PRKCH: variants seen among roughly 807,000 people sequenced by gnomAD.
The protein encoded by PRKCH is protein kinase C eta type.
Under a neutral mutation model 82.5 loss-of-function variants are expected in PRKCH, and 28 were observed. The observed-to-expected ratio is 0.34, with a 90% CI of 0.25 to 0.47. The LOEUF (loss-of-function observed/expected upper bound fraction) is 0.47. Among genes scored for constraint, PRKCH ranks in the 20% least tolerant of loss-of-function variants. The pLI, the probability that PRKCH is intolerant of heterozygous loss-of-function variation, is 1.00. For synonymous variants in PRKCH, 322 were observed against 327.4 expected, an observed-to-expected ratio of 0.98 and a Z score of 0.18; for missense variants, 705 against 881.8, an observed-to-expected ratio of 0.80 and a Z score of 2.54.
At chr14:61,271,137 A>C (rs2045149601) in intron 1 of PRKCH, among the ~76,000 whole-genome samples, 1 of 152,206 alleles carries the variant, frequency 6.6e-6, no homozygotes, top group Non-Finnish European at 1.5e-5. Context: ...CAAGATGGAC[A>C]CTAGTGTACC....
chr14:61,418,417 G>A (rs140997055), intron 2 of PRKCH, among the ~76,000 whole-genome samples: 3 of 152,300 alleles, frequency 2.0e-5, no homozygotes, highest in Non-Finnish European at 2.9e-5. Context: ...ATGCACAGAG[G>A]ATCTTTGGAA....
In PRKCH at chr14:61,453,341, T is replaced by G; in HGVS notation, c.948T>G (p.Ile316Met). 7 of 1,613,026 alleles carry G rather than the reference T, an allele frequency of 4.3e-6. No individual in the cohort carries two copies. Among genetic ancestry groups the G allele is most frequent in the Non-Finnish European group, 5.9e-6 (7 of 1,179,378 alleles). Residue 316 changes from isoleucine to methionine, a missense_variant, in exon 7 of 14, where the codon ATT becomes ATG. Transcript: ENST00000332981. ...GGATGGGTCTCCAACCCGGAAATAT[T>G]TCTCCAACCTCGGTGAGACTTTGCT... ...LAGMGLQPGN[I>M]SPTSKLVSRS...
At chr14:61,542,652 T>C (rs2043203228) in intron 12 of PRKCH, among the ~76,000 whole-genome samples, 1 of 152,236 alleles carries the variant, frequency 6.6e-6, no homozygotes, top group African/African-American at 2.4e-5. Flanking sequence ...GAGAGCCAGA[T>C]GAGCCTCAGG....
intron 7 of PRKCH, 109 bp from the exon 8 acceptor site, chr14:61,457,067 C>A: frequency 8.3e-7 from 1 of 1,207,602 alleles, no homozygotes; most frequent in Non-Finnish European, 1.1e-6. Context: ...ATCTTTCCCC[C>A]ACGTTATACT....
At chr14:61,252,544 G>A (rs2044955771) in intron 1 of PRKCH, among the ~76,000 whole-genome samples, 1 of 152,134 alleles carries the variant, frequency 6.6e-6, no homozygotes, top group African/African-American at 2.4e-5. Flanking sequence ...CTCCACTCTG[G>A]GATGAGATAT....
intron 10 of PRKCH, among the ~76,000 whole-genome samples, chr14:61,526,871 C>T (rs1201225622): frequency 6.6e-6 from 1 of 152,264 alleles, no homozygotes; most frequent in South Asian, 2.1e-4. Flanking sequence ...AGCATCCCCC[C>T]CGTGACCTGC....
At chr14:61,526,129 T>C (rs956405463) in intron 10 of PRKCH, among the ~76,000 whole-genome samples, 1 of 152,090 alleles carries the variant, frequency 6.6e-6, no homozygotes, top group Non-Finnish European at 1.5e-5. Context: ...ATTGCAACCT[T>C]TTGTAGGTTA....
At chr14:61,295,921 C>T (rs1480319975) in intron 1 of PRKCH, among the ~76,000 whole-genome samples, 1 of 151,914 alleles carries the variant, frequency 6.6e-6, no homozygotes, top group Non-Finnish European at 1.5e-5. Context: ...TGGTGGAAAT[C>T]CCCCTTAGAA....
chr14:61,208,101 G>T (rs954781571), intron 1 of PRKCH, among the ~76,000 whole-genome samples: 3 of 151,892 alleles, frequency 2.0e-5, no homozygotes, highest in Admixed American at 2.0e-4. Context: ...TCCCTTCTTT[G>T]AAATGTTACC....
chr14:61,378,224 C>CTTTTTCTTTTTTTT (rs1555380855), intron 1 of PRKCH, among the ~76,000 whole-genome samples: 1 of 139,476 alleles, frequency 7.2e-6, no homozygotes, highest in Non-Finnish European at 1.5e-5. Context: ...TTTTCTTTTT[C>CTTTTTCTTTTTTTT]TTTTTTTTTT....
intron 1 of PRKCH, chr14:61,306,924 C>A (rs748490580): frequency 1.3e-5 from 2 of 152,106 alleles, no homozygotes; most frequent in African/African-American, 2.4e-5. Context: ...CGACTCATTG[C>A]AGCTTTTACC....
intron 10 of PRKCH, among the ~76,000 whole-genome samples, chr14:61,512,753 C>G (rs549422144): frequency 6.6e-6 from 1 of 152,228 alleles, no homozygotes; most frequent in South Asian, 2.1e-4. Flanking sequence ...AATCACCAGC[C>G]ACACACATTA....
intron 1 of PRKCH, among the ~76,000 whole-genome samples, chr14:61,198,952 G>A (rs1178643286): frequency 6.6e-6 from 1 of 152,120 alleles, no homozygotes; most frequent in East Asian, 1.9e-4. Flanking sequence ...ACTGGGATAA[G>A]GTTGACCTAC....
At chr14:61,294,940 T>C (rs912219574) in intron 1 of PRKCH, among the ~76,000 whole-genome samples, 3 of 152,200 alleles carry the variant, frequency 2.0e-5, no homozygotes, top group African/African-American at 7.2e-5. Context: ...TGGTGCGATC[T>C]TGGCTCACTG....
chr14:61,379,757 A>C (rs1039998639), intron 1 of PRKCH, among the ~76,000 whole-genome samples: 1 of 152,172 alleles, frequency 6.6e-6, no homozygotes, highest in African/African-American at 2.4e-5. Flanking sequence ...TGCAGGGAGT[A>C]TATTCCCCAT....
At chr14:61,398,455 A>G (rs1323077197) in intron 2 of PRKCH, among the ~76,000 whole-genome samples, 1 of 152,242 alleles carries the variant, frequency 6.6e-6, no homozygotes, top group Non-Finnish European at 1.5e-5. Flanking sequence ...TTATGCTACT[A>G]AGAAATATGG....
At chr14:61,370,718 G>T (rs1014633009) in intron 1 of PRKCH, among the ~76,000 whole-genome samples, 1 of 151,832 alleles carries the variant, frequency 6.6e-6, no homozygotes, top group South Asian at 2.1e-4. Flanking sequence ...CTCTTTCTTC[G>T]CTCTCTGTAT....
At chr14:61,415,031 T>C (rs1566868821) in intron 2 of PRKCH, among the ~76,000 whole-genome samples, 1 of 152,084 alleles carries the variant, frequency 6.6e-6, no homozygotes, top group Non-Finnish European at 1.5e-5. Flanking sequence ...CAGGCCCCAT[T>C]TTTCCTGTGA....
intron 1 of PRKCH, among the ~76,000 whole-genome samples, chr14:61,236,941 A>G (rs1015960711): frequency 6.6e-6 from 1 of 152,110 alleles, no homozygotes; most frequent in African/African-American, 2.4e-5. Context: ...AAAATGGGCA[A>G]CCAGCAACTC....
Sources: gnomAD v4.1 joint callset for allele counts (sites outside exome capture counted in the v4.1 genomes callset) on GRCh38, gnomAD v4.1.1 for gene constraint, MANE v1.5 for transcripts, NCBI Gene and HGNC (gene_info 2026-07-23, HGNC 2026-07-21) for gene names.